The following ZFP64 variants were observed in gnomAD, a reference collection of about 807,000 sequenced individuals.
ZFP64 encodes the protein zinc finger protein 64.
In ZFP64, 14 loss-of-function variants were observed where a neutral mutation model predicts 51.6. That is an observed-to-expected ratio of 0.27 (90% CI 0.18 to 0.42). The LOEUF is 0.42. Among genes scored for constraint, ZFP64 ranks in the 10% least tolerant of loss-of-function variants. The probability of loss-of-function intolerance (pLI) is 1.00; values close to 1 mark genes in which losing one functional copy is unlikely to be tolerated. For missense variants in ZFP64, 754 were observed against 906.8 expected, an observed-to-expected ratio of 0.83 and a Z score of 2.16; for synonymous variants, 375 against 361.4, an observed-to-expected ratio of 1.04 and a Z score of -0.43.
At chr20:52,161,562 C>T (rs996333735) in intron 4 of ZFP64, among the ~76,000 whole-genome samples, 1 of 150,854 alleles carries the variant, frequency 6.6e-6, no homozygotes, top group Non-Finnish European at 1.5e-5. Context: ...ACCCACAACG[C>T]GGTTGTTAAG....
At chr20:52,087,859 G>T (rs183848509) in intron 8 of ZFP64, among the ~76,000 whole-genome samples, 22 of 152,244 alleles carry the variant, frequency 1.4e-4, no homozygotes, top group African/African-American at 5.3e-4. Context: ...ACATCACTAT[G>T]TTCCTGTCTG....
chr20:52,090,033 CA>C (rs2078905990), intron 7 of ZFP64, among the ~76,000 whole-genome samples: 2 of 151,976 alleles, frequency 1.3e-5, no homozygotes, highest in African/African-American at 4.8e-5. Flanking sequence ...AAGAATCTCC[CA>C]AAAGGACAAG....
rs1984337910 is a variant in ZFP64, at chr20:52,191,161, G to T, written c.46+430C>A. Among the ~76,000 whole-genome samples, 1 of 152,170 alleles carries T rather than the reference G, an allele frequency of 6.6e-6. No individual in the cohort carries two copies. The highest frequency in any genetic ancestry group is 2.1e-4 in the South Asian group (1 of 4,832). On this transcript the variant is annotated intron_variant, in intron 1 of 5. Coordinates refer to ENST00000216923, the MANE Select transcript of ZFP64 (RefSeq NM_018197.3). The surrounding 1 kb of genome is among the most constrained non-coding windows in gnomAD (Gnocchi z 4.3). Reference sequence around the variant, plus strand: ...CCGGCAGGACCTCGTGAGACCTGGTGATTCCCCCAATCTCCAGGCTCTAAT... The same window carrying T: ...CCGGCAGGACCTCGTGAGACCTGGTTATTCCCCCAATCTCCAGGCTCTAAT...
At chr20:52,175,564 G>A (rs536502997) in intron 2 of ZFP64, among the ~76,000 whole-genome samples, 296 of 152,334 alleles carry the variant, frequency 1.9e-3, no homozygotes, top group Non-Finnish European at 2.7e-3. Flanking sequence ...ACTGTCTGAG[G>A]CCGGGCATGG....
chr20:52,152,438 G>A lies in ZFP64; in HGVS notation c.1754C>T (p.Thr585Ile). 1.2e-6 allele frequency: 2 copies of A among 1,614,160 alleles called. No individual in the cohort carries two copies. Among genetic ancestry groups the A allele is most frequent in the Non-Finnish European group, 1.7e-6 (2 of 1,180,036 alleles). The change falls in exon 6 of 6, where the codon ACT becomes ATT. Residue 585 changes from threonine (T) to isoleucine (I), a missense_variant. Thr to Ile is a moderately conservative substitution (Grantham distance 89). Around this residue, in one of 3 missense-constraint regions of ZFP64, gnomAD observed 428 missense variants for 472.4 expected, o/e 0.91. Transcript: ENST00000216923. ...EQTDGATLHQTLIPTASGGPQ... is the reference protein window; with the variant it reads ...EQTDGATLHQILIPTASGGPQ... ...GCCACCTGAGGCCGTGGGGATGAGA[G>A]TCTGGTGCAGAGTGGCTCCGTCCGT...
rs143557548 is a variant in ZFP64, at chr20:52,142,937, C to T, written c.763+17186G>A. 2.8e-5 allele frequency among the ~76,000 whole-genome samples: 4 copies of T among 141,774 alleles called. 1 individual carries two copies. The highest frequency in any genetic ancestry group is 1.0e-4 in the African/African-American group (4 of 39,826). The allele number at this position is 141,774 out of a possible 152,430, so 93.0% of individuals were successfully genotyped here. ...TAAGAAATTACTACAGCTACCCCAA[C>T]CTTCAGCAACCACAACCCTGATAAG... On this transcript the variant is annotated intron_variant, in intron 5 of 8. Transcript: ENST00000361387.
chr20:52,154,476 A>C (rs1981143441), intron 5 of ZFP64, among the ~76,000 whole-genome samples: 1 of 152,174 alleles, frequency 6.6e-6, no homozygotes, highest in African/African-American at 2.4e-5. Flanking sequence ...ATGCTAGGTA[A>C]TTATCTGTGC....
At chr20:52,104,026 C>T (rs112269557) in intron 5 of ZFP64, among the ~76,000 whole-genome samples, 2,160 of 152,310 alleles carry the variant, frequency 0.014, 48 homozygotes, top group African/African-American at 0.049. Context: ...ACCCATCCTC[C>T]TTTCCGCGCC....
At position 52,176,499 on chromosome 20, in the gene ZFP64, ATC is replaced by A. The variant is rs1017134775; in HGVS notation, c.286+10331_286+10332del. On this transcript the variant is annotated intron_variant, in intron 2 of 5. Coordinates refer to ENST00000216923, the MANE Select transcript of ZFP64 (RefSeq NM_018197.3). ...TAAAATATTTCTAGCTTCTGGTTCA[ATC>A]TCTCTTTTTTTTTTTTTTTGAGACG... is the stretch of plus-strand genomic sequence containing the variant. Among the ~76,000 whole-genome samples, 96 of 145,256 alleles carry A rather than the reference ATC, an allele frequency of 6.6e-4. 4 individuals carry two copies. The highest frequency in any genetic ancestry group is 2.4e-3 in the African/African-American group (93 of 38,524).
Position 52,165,997 on chromosome 20 carries a change from A to T in ZFP64, c.315T>A (p.His105Gln). 1 of 1,608,238 alleles carries T rather than the reference A, an allele frequency of 6.2e-7. No homozygotes were observed. Residue 105 changes from histidine to glutamine, a missense_variant, in exon 3 of 6, where the codon CAT becomes CAA. His to Gln is a conservative substitution (Grantham distance 24). Coordinates refer to ENST00000216923, the MANE Select transcript of ZFP64 (RefSeq NM_018197.3). The stretch of plus-strand genomic sequence containing the variant: ...CCGTGGGCAGGTAAGTTTGATAGCC[A>T]TGTTCAAAAACAAATTCTGGAGCTG... Reference protein sequence around the residue: ...TVSAPEFVFEHGYQTYLPTES... With the variant: ...TVSAPEFVFEQGYQTYLPTES...
At chr20:52,105,142 C>G (rs1408239393) in intron 5 of ZFP64, 23 of 1,433,660 alleles carry the variant, frequency 1.6e-5, no homozygotes, top group African/African-American at 4.5e-5. Context: ...CCGGCTCCCC[C>G]GCCACCTGCG....
At chr20:52,107,758 C>G (rs1978343285) in intron 5 of ZFP64, among the ~76,000 whole-genome samples, 1 of 152,240 alleles carries the variant, frequency 6.6e-6, no homozygotes, top group African/African-American at 2.4e-5. Context: ...TCTTCACCTA[C>G]TCTCCTGTTG....
At chr20:52,100,521 T>TAGCCACG (rs1278831336) in intron 5 of ZFP64, among the ~76,000 whole-genome samples, 2 of 152,116 alleles carry the variant, frequency 1.3e-5, no homozygotes, top group Non-Finnish European at 2.9e-5. Context: ...GCTGGGACTA[T>TAGCCACG]AGCCACGAGC....
intron 5 of ZFP64, among the ~76,000 whole-genome samples, chr20:52,112,097 A>C (rs1417690443): frequency 6.7e-4 from 93 of 139,640 alleles, no homozygotes; most frequent in African/African-American, 1.1e-3. Context: ...AAAAAAAAAA[A>C]AAACAAAAAA....
At chr20:52,120,767 T>G (rs1162170431) in intron 5 of ZFP64, among the ~76,000 whole-genome samples, 1 of 144,338 alleles carries the variant, frequency 6.9e-6, no homozygotes, top group Non-Finnish European at 1.5e-5. Context: ...ACCTCCATCT[T>G]CCAGGTTCAA....
At chr20:52,136,424 T>C (rs1273852344) in intron 5 of ZFP64, among the ~76,000 whole-genome samples, 2 of 152,100 alleles carry the variant, frequency 1.3e-5, no homozygotes, top group African/African-American at 2.4e-5. Context: ...AACTGATCAA[T>C]ATGTGATTTT....
In ZFP64 at chr20:52,153,544, C is replaced by G. The variant is rs765994994; in HGVS notation, c.764-116G>C. 1.7e-4 allele frequency: 243 copies of G among 1,412,140 alleles called. No individual in the cohort carries two copies. Among genetic ancestry groups the G allele is most frequent in the Non-Finnish European group, 2.1e-4 (229 of 1,074,016 alleles). The allele number at this position is 1,412,140 out of a possible 1,614,324, so 87.5% of individuals were successfully genotyped here. On this transcript the variant is annotated intron_variant, in intron 5 of 5. Transcript: ENST00000216923. The surrounding 1 kb of genome is among the most constrained non-coding windows in gnomAD (Gnocchi z 5.1). ...AGGTGGGTGGGTGCAGACCTCCTAACTGCAGCTTCTAGCAGCCCCTGGCAG... is the reference window on the plus strand; with the variant it reads ...AGGTGGGTGGGTGCAGACCTCCTAAGTGCAGCTTCTAGCAGCCCCTGGCAG...
At chr20:52,155,294 G>T (rs996288760) in intron 5 of ZFP64, among the ~76,000 whole-genome samples, 1 of 152,128 alleles carries the variant, frequency 6.6e-6, no homozygotes, top group Admixed American at 6.6e-5. Context: ...TATCAGATTG[G>T]TTGCCTGTTT....
chr20:52,178,353 C>A (rs1363811831), intron 2 of ZFP64, among the ~76,000 whole-genome samples: 1 of 152,178 alleles, frequency 6.6e-6, no homozygotes. Context: ...AGTTATTTAA[C>A]CCCTCTGTGC....
Sources: gnomAD v4.1 joint callset for allele counts (sites outside exome capture counted in the v4.1 genomes callset) on GRCh38, gnomAD v4.1.1 for gene constraint, gnomAD v4.1.1 regional missense constraint, Gnocchi (gnomAD v3.1) non-coding constraint, MANE v1.5 for transcripts, NCBI Gene and HGNC (gene_info 2026-07-23, HGNC 2026-07-21) for gene names.